The following PPARGC1A variants were observed in gnomAD, a reference collection of about 807,000 sequenced individuals.
PPARGC1A encodes peroxisome proliferator-activated receptor gamma coactivator 1-alpha.
A neutral mutation model predicts 88.7 loss-of-function variants in PPARGC1A; 25 were observed. The ratio of observed to expected loss-of-function variants is 0.28; its 90% confidence interval spans 0.21 to 0.39. The LOEUF (loss-of-function observed/expected upper bound fraction) is 0.39, where lower values mean the gene tolerates loss of function less well. Ranked by LOEUF, PPARGC1A falls within the 10% of genes least tolerant of loss-of-function variation. The pLI is 1.00. For missense variants in PPARGC1A, 880 were observed against 968.7 expected, an observed-to-expected ratio of 0.91 and a Z score of 1.22; for synonymous variants, 363 against 355.6, an observed-to-expected ratio of 1.02 and a Z score of -0.24.
the PPARGC1A span, among the ~76,000 whole-genome samples, chr4:24,027,437 T>C: frequency 1.3e-5 from 2 of 152,144 alleles, no homozygotes; most frequent in Admixed American, 6.5e-5. Flanking sequence ...TGCATGAAGA[T>C]AAAATGAGAT....
the PPARGC1A span, among the ~76,000 whole-genome samples, chr4:24,308,890 C>G: frequency 1.1e-4 from 17 of 152,094 alleles, no homozygotes; most frequent in East Asian, 3.3e-3. Context: ...GGGGTAAAAT[C>G]TCAAAGGAGA....
At chr4:24,024,107 G>A in the PPARGC1A span, among the ~76,000 whole-genome samples, 2 of 152,146 alleles carry the variant, frequency 1.3e-5, no homozygotes, top group African/African-American at 4.8e-5. Context: ...ATAAGAGATG[G>A]CAAACAGCCT....
At chr4:24,261,793 T>C in the PPARGC1A span, among the ~76,000 whole-genome samples, 1 of 130,346 alleles carries the variant, frequency 7.7e-6, no homozygotes, top group Non-Finnish European at 1.9e-5. Context: ...AGATCCAGCA[T>C]GTCAATTTTT....
the PPARGC1A span, among the ~76,000 whole-genome samples, chr4:24,367,333 G>T: frequency 6.6e-6 from 1 of 152,290 alleles, no homozygotes; most frequent in East Asian, 1.9e-4. Context: ...ATATTGTTTA[G>T]TCTAGAATCA....
chr4:24,346,208 C>T, the PPARGC1A span, among the ~76,000 whole-genome samples: 1 of 152,076 alleles, frequency 6.6e-6, no homozygotes, highest in African/African-American at 2.4e-5. Flanking sequence ...ATTTTAGCAT[C>T]TATGTTCATC....
chr4:24,147,330 G>A, the PPARGC1A span, among the ~76,000 whole-genome samples: 1 of 152,168 alleles, frequency 6.6e-6, no homozygotes, highest in Admixed American at 6.5e-5. Flanking sequence ...ATGAGCTAGG[G>A]GTTGTTTCCC....
At chr4:24,002,661 A>G in the PPARGC1A span, among the ~76,000 whole-genome samples, 1 of 152,008 alleles carries the variant, frequency 6.6e-6, no homozygotes. Context: ...GCTTTCCACA[A>G]AAACACAAAC....
At chr4:24,162,795 T>C in the PPARGC1A span, among the ~76,000 whole-genome samples, 1 of 151,918 alleles carries the variant, frequency 6.6e-6, no homozygotes, top group South Asian at 2.1e-4. Context: ...GGTTTCACCA[T>C]GTTGGCCAGT....
At chr4:24,416,300 T>C in the PPARGC1A span, among the ~76,000 whole-genome samples, 1 of 128,030 alleles carries the variant, frequency 7.8e-6, no homozygotes, top group African/African-American at 2.9e-5. Context: ...AACAGCTTTG[T>C]AATCTATTTA....
chr4:23,841,374 G>A lies in PPARGC1A; in HGVS notation c.235-9623C>T, dbSNP rs190790140. On this transcript the variant is annotated intron_variant, in intron 2 of 12. Transcript: ENST00000264867. ...TCTTATCCAGAAGTTTTTAAACTAT[G>A]TTTCATAGAACTCTGGACACTAGAA... Among the ~76,000 whole-genome samples the A allele has an allele frequency of 2.3e-3, 351 of 152,086 alleles. 1 individual carries two copies. Among genetic ancestry groups the A allele is most frequent in the African/African-American group, 8.1e-3 (338 of 41,488 alleles).
chr4:24,084,999 C>T, the PPARGC1A span, among the ~76,000 whole-genome samples: 1 of 152,180 alleles, frequency 6.6e-6, no homozygotes, highest in Non-Finnish European at 1.5e-5. Context: ...TTTGACCCAT[C>T]ATCACCATTT....
At chr4:24,158,584 G>A in the PPARGC1A span, among the ~76,000 whole-genome samples, 1 of 152,190 alleles carries the variant, frequency 6.6e-6, no homozygotes, top group Admixed American at 6.5e-5. Context: ...AGGCATTTAA[G>A]TTATAAGTTA....
At chr4:24,051,214 C>CAAAAAAAAAAAAAAAAAAAAAAAAA in the PPARGC1A span, among the ~76,000 whole-genome samples, 2 of 118,996 alleles carry the variant, frequency 1.7e-5, no homozygotes, top group African/African-American at 3.0e-5. Context: ...AAAAAAAAAC[C>CAAAAAAAAAAAAAAAAAAAAAAAAA]AAACCTAAAC....
At chr4:24,167,235 A>G in the PPARGC1A span, among the ~76,000 whole-genome samples, 1 of 152,208 alleles carries the variant, frequency 6.6e-6, no homozygotes, top group African/African-American at 2.4e-5. Flanking sequence ...TAGAAATAGC[A>G]AGAAACTAGA....
At chr4:23,976,747 C>A in the PPARGC1A span, among the ~76,000 whole-genome samples, 14 of 152,258 alleles carry the variant, frequency 9.2e-5, no homozygotes, top group Admixed American at 7.2e-4. Context: ...AAGGTGGCAG[C>A]CTGGAAGCAA....
chr4:23,871,677 G>A (rs929076740), intron 2 of PPARGC1A, among the ~76,000 whole-genome samples: 3 of 152,148 alleles, frequency 2.0e-5, no homozygotes, highest in Non-Finnish European at 4.4e-5. Flanking sequence ...GGAGAACTAT[G>A]TCTGGAATAC....
the PPARGC1A span, among the ~76,000 whole-genome samples, chr4:24,068,562 T>C: frequency 6.6e-6 from 1 of 152,194 alleles, no homozygotes; most frequent in Non-Finnish European, 1.5e-5. Flanking sequence ...GGAAAATATG[T>C]ATGGCTCAGC....
At chr4:24,252,936 C>G in the PPARGC1A span, among the ~76,000 whole-genome samples, 3 of 152,030 alleles carry the variant, frequency 2.0e-5, no homozygotes, top group Non-Finnish European at 2.9e-5. Flanking sequence ...ATAATATAGC[C>G]TCTATATTAT....
intron 2 of PPARGC1A, among the ~76,000 whole-genome samples, chr4:23,854,898 C>T (rs911067992): frequency 1.3e-5 from 2 of 152,056 alleles, no homozygotes; most frequent in African/African-American, 4.8e-5. Flanking sequence ...AATACTTTAC[C>T]AGCCTAAGTG....
Sources: allele counts gnomAD v4.1 joint callset (sites outside exome capture counted in the v4.1 genomes callset), GRCh38; gene constraint gnomAD v4.1.1; transcripts MANE v1.5; gene names NCBI Gene and HGNC (gene_info 2026-07-23, HGNC 2026-07-21).